PUS1: variants seen among roughly 807,000 people sequenced by gnomAD.
PUS1 encodes the protein pseudouridylate synthase 1 homolog.
In PUS1, 25 loss-of-function variants were observed where a neutral mutation model predicts 38.5. That is an observed-to-expected ratio of 0.65 (90% CI 0.47 to 0.91). The LOEUF (loss-of-function observed/expected upper bound fraction) is 0.91, where lower values mean the gene tolerates loss of function less well. Among genes scored for constraint, PUS1 ranks in the 40% least tolerant of loss-of-function variants. PUS1 has a pLI of 0.00. For missense variants in PUS1, 597 were observed against 612.3 expected (o/e 0.97, Z 0.26); for synonymous variants, 282 against 260.4 (o/e 1.08, Z -0.80).
At chr12:131,932,807 A>G (rs1192301959) in intron 3 of PUS1, 6 of 453,162 alleles carry the variant, frequency 1.3e-5, no homozygotes, top group African/African-American at 4.0e-5. Context: ...GGCTCAAGCA[A>G]TCCTCCTGCC....
intron 3 of PUS1, among the ~76,000 whole-genome samples, chr12:131,937,533 C>T (rs1052599652): frequency 6.6e-6 from 1 of 152,148 alleles, no homozygotes; most frequent in African/African-American, 2.4e-5. Flanking sequence ...TGCCACCACT[C>T]CCAGCTAATT....
In PUS1 at chr12:131,943,296, G is replaced by A. The variant is rs11837013; in HGVS notation, c.1237-243G>A. Among the ~76,000 whole-genome samples, 19,815 of 152,220 alleles carry A rather than the reference G, an allele frequency of 0.13. 2,661 individuals carry two copies. Among genetic ancestry groups the A allele is most frequent in the African/African-American group, 0.34 (14,172 of 41,518 alleles). The stretch of plus-strand genomic sequence containing the variant: ...TTTTATTTTCCCCTGTGGTCAGTGC[G>A]ACCTGTGAGGATGTGAAGGAGCCCA... On this transcript the variant is annotated intron_variant, in intron 5 of 5. Coordinates refer to ENST00000376649, the MANE Select transcript of PUS1 (RefSeq NM_025215.6).
chr12:131,941,780 C>T lies in PUS1; in HGVS notation c.1033C>T (p.Gln345Ter). The change falls in exon 5 of 6, where the codon CAG becomes TAG. Residue 345 changes from glutamine (Q) to a stop codon, truncating the protein, a stop_gained. Coordinates refer to ENST00000376649, the MANE Select transcript of PUS1 (RefSeq NM_025215.6). LOFTEE classifies it high-confidence loss of function. The surrounding 1 kb of genome is among the most constrained non-coding windows in gnomAD (Gnocchi z 4.4). The part of the protein sequence containing the change: ...LERVHFEKYN[Q>*]RFGNDGLHEP... ...GAGGGTGCACTTCGAGAAGTACAAC[C>T]AGCGCTTTGGCAACGATGGGCTGCA... 3 of 1,613,540 alleles carry T rather than the reference C, an allele frequency of 1.9e-6. No individual in the cohort carries two copies. The highest frequency in any genetic ancestry group is 2.5e-6 in the Non-Finnish European group (3 of 1,179,530).
At position 131,941,641 on chromosome 12, in the gene PUS1, C is replaced by T. The variant is rs201908893; in HGVS notation, c.894C>T (p.Val298=). The change falls in exon 5 of 6, where the codon GTC becomes GTT. Residue 298 remains valine (V), a synonymous_variant. Transcript: ENST00000376649. This position sits in a 1 kb window ranked among gnomAD's most constrained non-coding sequence, Gnocchi z 4.4. ...TGATGCATCAGATCCGGAAGATGGT[C>T]GGCCTGGTGGTGGCCATTGTGAAGG... ...SFMMHQIRKM[V]GLVVAIVKGY... The T allele has an allele frequency of 2.3e-4, 370 of 1,614,150 alleles. 3 individuals are homozygous for T. In the South Asian group the frequency reaches 3.7e-3, roughly 16 times the overall value.
Position 131,943,898 on chromosome 12 carries a change from T to C in PUS1, c.*312T>C. ...TTTTTCTTAGTCTTTTTTAACATTTTTTTCGTCCACAGAGATGAGCACAGC... is the reference window on the plus strand; with the variant it reads ...TTTTTCTTAGTCTTTTTTAACATTTCTTTCGTCCACAGAGATGAGCACAGC... On this transcript the variant is annotated 3_prime_UTR_variant, in exon 6 of 6. Coordinates refer to ENST00000376649, the MANE Select transcript of PUS1 (RefSeq NM_025215.6). 1 of 371,754 alleles carries C rather than the reference T, an allele frequency of 2.7e-6. No individual in the cohort carries two copies. Among genetic ancestry groups the C allele is most frequent in the Non-Finnish European group, 5.2e-6 (1 of 192,030 alleles). 23.0% of individuals were successfully genotyped at this position (371,754 alleles called of 1,614,324 possible).
At chr12:131,934,712 G>A (rs1461404217) in intron 3 of PUS1, 2 of 152,232 alleles carry the variant, frequency 1.3e-5, no homozygotes, top group African/African-American at 4.8e-5. Context: ...TTTGGCAGAC[G>A]GGGACAGCAG....
At position 131,941,300 on chromosome 12, in the gene PUS1, C is replaced by T. The variant is rs762885596; in HGVS notation, c.553C>T (p.Arg185Trp). 22 of 1,614,032 alleles carry T rather than the reference C, an allele frequency of 1.4e-5. No homozygotes were observed. Among genetic ancestry groups the T allele is most frequent in the Admixed American group, 5.0e-5 (3 of 60,018 alleles). ...GACCACCTCCCCCCTAGGACTGAAGCGGGTCACGGGCGGGTTTAACTCCAA... is the reference window on the plus strand; with the variant it reads ...GACCACCTCCCCCCTAGGACTGAAGTGGGTCACGGGCGGGTTTAACTCCAA... Reference protein sequence around the residue: ...PSHIRILGLKRVTGGFNSKNR... With the variant: ...PSHIRILGLKWVTGGFNSKNR... The change falls in exon 5 of 6, where the codon CGG becomes TGG. Residue 185 changes from arginine (R) to tryptophan (W), a missense_variant. Transcript: ENST00000376649. The surrounding 1 kb of genome is among the most constrained non-coding windows in gnomAD (Gnocchi z 4.4).
rs186831465 is a variant in PUS1 at position 131,937,887 on chromosome 12, A to G, written c.442-1286A>G. On this transcript the variant is annotated intron_variant, in intron 3 of 5. Transcript: ENST00000376649. ...GGAACCATTTGAGAGTAAGTTGGAGACATCATCATCCTTTACCCTGAAACA... is the reference window on the plus strand; with the variant it reads ...GGAACCATTTGAGAGTAAGTTGGAGGCATCATCATCCTTTACCCTGAAACA... Among the ~76,000 whole-genome samples, 464 of 152,158 alleles carry G rather than the reference A, an allele frequency of 3.0e-3. 4 individuals carry two copies. The highest frequency in any genetic ancestry group is 0.011 in the African/African-American group (448 of 41,528).
intron 3 of PUS1, among the ~76,000 whole-genome samples, chr12:131,938,552 C>G (rs1478339057): frequency 6.6e-6 from 1 of 152,152 alleles, no homozygotes; most frequent in East Asian, 1.9e-4. Flanking sequence ...CAGTTTTTAT[C>G]TGTGTACCTA....
At chr12:131,938,027 TTTTTC>T (rs1239492818) in intron 3 of PUS1, among the ~76,000 whole-genome samples, 17 of 152,346 alleles carry the variant, frequency 1.1e-4, no homozygotes, top group African/African-American at 3.8e-4. Flanking sequence ...TTCTGTTTTC[TTTTTC>T]TTTTCTTCAG....
chr12:131,939,423 C>T (rs774445288), intron 4 of PUS1, 148 bp downstream of exon 4: 205 of 694,280 alleles, frequency 3.0e-4, no homozygotes, highest in Non-Finnish European at 5.1e-4. Context: ...CCTTCAGAAA[C>T]GGGAGCCACT....
chr12:131,944,762 G>A lies in PUS1; in HGVS notation c.*1176G>A. 6.5e-6 allele frequency: 1 copy of A among 152,972 alleles called. No individual in the cohort carries two copies. Among genetic ancestry groups the A allele is most frequent in the Non-Finnish European group, 1.5e-5 (1 of 68,542 alleles). 9.5% of individuals were successfully genotyped at this position (152,972 alleles called of 1,614,324 possible). A position where few individuals can be genotyped will look rare whatever the true frequency, so the allele number is the denominator to read the frequency against. ...GGGGCAGAGGGCAGAAGGAAAGGGT[G>A]CATCGCGGAACAGGCCCTTAGTGGA... is the stretch of plus-strand genomic sequence containing the variant. On this transcript the variant is annotated 3_prime_UTR_variant, in exon 6 of 6. Coordinates refer to ENST00000376649, the MANE Select transcript of PUS1 (RefSeq NM_025215.6).
intron 5 of PUS1, 49 bp from the exon 6 acceptor site, chr12:131,943,490 A>G: frequency 6.7e-7 from 1 of 1,503,622 alleles, no homozygotes; most frequent in Middle Eastern, 1.7e-4. Context: ...ATCCAGGAGC[A>G]GTGGAGAGAG....
Position 131,945,139 on chromosome 12 carries a change from T to A in PUS1, c.*1553T>A, listed in dbSNP as rs1891244780. On this transcript the variant is annotated 3_prime_UTR_variant, in exon 6 of 6. Coordinates refer to ENST00000376649, the MANE Select transcript of PUS1 (RefSeq NM_025215.6). ...CATGTGACTAATGCGCAGTCGCCTG[T>A]CGCCCCAGCAGTGCGTGAGTGACAT... 1 of 152,318 alleles carries A rather than the reference T, an allele frequency of 6.6e-6. No homozygotes were observed. The highest frequency in any genetic ancestry group is 1.5e-5 in the Non-Finnish European group (1 of 68,064). 9.4% of individuals were successfully genotyped at this position (152,318 alleles called of 1,614,324 possible).
intron 3 of PUS1, among the ~76,000 whole-genome samples, chr12:131,936,125 T>C (rs1389773296): frequency 2.8e-5 from 4 of 140,672 alleles, no homozygotes; most frequent in Non-Finnish European, 6.2e-5. Flanking sequence ...GCAGGAGAAT[T>C]GCGTGAACCT....
At chr12:131,940,957 A>T (rs1277972754) in intron 4 of PUS1, 1 of 328,232 alleles carries the variant, frequency 3.0e-6, no homozygotes, top group East Asian at 5.7e-5. Context: ...TAAAGATCAA[A>T]TAGGGCAATT....
chr12:131,931,850 A>G (rs1225684243), intron 2 of PUS1: 28 of 580,538 alleles, frequency 4.8e-5, no homozygotes, highest in Admixed American at 4.3e-4. Context: ...TTTATAGTCA[A>G]TGTTTTTTTT....
At chr12:131,942,446 A>C (rs572034440) in intron 5 of PUS1, among the ~76,000 whole-genome samples, 2 of 151,750 alleles carry the variant, frequency 1.3e-5, no homozygotes, top group South Asian at 4.2e-4. Context: ...TTGTTCTGTC[A>C]CCCAGGCTGG....
intron 5 of PUS1, among the ~76,000 whole-genome samples, chr12:131,943,159 C>T (rs1891164185): frequency 6.6e-6 from 1 of 152,250 alleles, no homozygotes; most frequent in Non-Finnish European, 1.5e-5. Context: ...AGGCTAAATA[C>T]AGCGCAGGTG....
Sources: allele counts gnomAD v4.1 joint callset (sites outside exome capture counted in the v4.1 genomes callset), GRCh38; gene constraint gnomAD v4.1.1; non-coding constraint Gnocchi (gnomAD v3.1); transcripts MANE v1.5; gene names NCBI Gene and HGNC (gene_info 2026-07-23, HGNC 2026-07-21).